SHANK2: variants seen among roughly 807,000 people sequenced by gnomAD.
SHANK2 encodes the protein SH3 and multiple ankyrin repeat domains protein 2.
In SHANK2, 43 loss-of-function variants were observed where a neutral mutation model predicts 133.7. The ratio of observed to expected loss-of-function variants is 0.32; its 90% confidence interval spans 0.25 to 0.41. The LOEUF is 0.41. Among genes scored for constraint, SHANK2 ranks in the 10% least tolerant of loss-of-function variants. The probability of loss-of-function intolerance (pLI) is 1.00; values close to 1 mark genes in which losing one functional copy is unlikely to be tolerated. For missense variants in SHANK2, 1,994 were observed against 2,235.8 expected, an observed-to-expected ratio of 0.89 and a Z score of 2.18; for synonymous variants, 1,017 against 952.8, an observed-to-expected ratio of 1.07 and a Z score of -1.24.
At chr11:70,885,242 T>C (rs868923440) in intron 11 of SHANK2, among the ~76,000 whole-genome samples, 1 of 151,012 alleles carries the variant, frequency 6.6e-6, no homozygotes, top group African/African-American at 2.4e-5. Context: ...TAGGGCACAG[T>C]GGAGACTCTC....
intron 17 of SHANK2, among the ~76,000 whole-genome samples, chr11:70,580,207 A>G (rs1554985095): frequency 6.6e-6 from 1 of 152,226 alleles, no homozygotes; most frequent in Non-Finnish European, 1.5e-5. Flanking sequence ...CACTTTGCAG[A>G]CCAGCCCCTC....
intron 12 of SHANK2, among the ~76,000 whole-genome samples, chr11:70,808,351 G>A (rs1267476695): frequency 2.6e-5 from 4 of 151,752 alleles, no homozygotes; most frequent in South Asian, 2.1e-4. Flanking sequence ...ACAGGTGCCC[G>A]CCACCATGCC....
At chr11:71,088,654 T>C (rs1465652407) in intron 8 of SHANK2, among the ~76,000 whole-genome samples, 4 of 151,998 alleles carry the variant, frequency 2.6e-5, no homozygotes, top group East Asian at 3.9e-4. Flanking sequence ...CCCAGCCATG[T>C]TTGCTGGTAG....
chr11:71,095,747 C>G (rs1555095256), intron 6 of SHANK2, among the ~76,000 whole-genome samples: 2 of 152,228 alleles, frequency 1.3e-5, no homozygotes, highest in Admixed American at 1.3e-4. Flanking sequence ...CATGGGTACC[C>G]TCCTGAGGAC....
Position 71,077,377 on chromosome 11 carries a change from G to C in SHANK2, c.913-2102C>G, listed in dbSNP as rs1295863171. Among the ~76,000 whole-genome samples, 3 of 152,340 alleles carry C rather than the reference G, an allele frequency of 2.0e-5. No homozygotes were observed. In the East Asian group the frequency reaches 5.8e-4, roughly 29 times the overall value. On this transcript the variant is annotated intron_variant, in intron 8 of 25. Coordinates refer to ENST00000601538, the MANE Select transcript of SHANK2 (RefSeq NM_012309.5). ...AAGTTCCATCAGTCAGATGGCACCA[G>C]AGCACTCTTCCCTTGCAAGGGCAAA...
At chr11:70,722,493 A>C (rs537622106) in intron 14 of SHANK2, among the ~76,000 whole-genome samples, 1 of 152,222 alleles carries the variant, frequency 6.6e-6, no homozygotes, top group Non-Finnish European at 1.5e-5. Context: ...TGTTTGAAAT[A>C]CCTACATAGG....
chr11:70,951,516 G>A (rs1950841428), intron 10 of SHANK2, among the ~76,000 whole-genome samples: 2 of 151,514 alleles, frequency 1.3e-5, no homozygotes, highest in African/African-American at 4.9e-5. Flanking sequence ...CCTGGCTGCT[G>A]TGCTGTGATG....
chr11:70,781,754 G>T, intron 14 of SHANK2, among the ~76,000 whole-genome samples: 1 of 76,114 alleles, frequency 1.3e-5, no homozygotes, highest in Admixed American at 2.2e-4. Context: ...CCCACAACAG[G>T]CCCCAGTGTG....
At chr11:70,595,090 G>GC (rs1175731477) in intron 17 of SHANK2, among the ~76,000 whole-genome samples, 1 of 152,092 alleles carries the variant, frequency 6.6e-6, no homozygotes, top group African/African-American at 2.4e-5. Context: ...AGCCTGCAGG[G>GC]CCCCCCACCT....
At chr11:71,244,038 C>A (rs1314812043) in intron 1 of SHANK2, among the ~76,000 whole-genome samples, 1 of 152,162 alleles carries the variant, frequency 6.6e-6, no homozygotes, top group Non-Finnish European at 1.5e-5. Flanking sequence ...ACTCTGATAC[C>A]AAAACCAGAC....
At chr11:70,496,857 G>A (rs145239523) in intron 21 of SHANK2, 92 of 415,946 alleles carry the variant, frequency 2.2e-4, no homozygotes, top group African/African-American at 1.7e-3. Context: ...GGAGAACCAC[G>A]AGGCGGGGGT....
In SHANK2 at chr11:70,471,469, G is replaced by A. The variant is rs934197742; in HGVS notation, c.*1400C>T. Reference sequence around the variant, plus strand: ...TATTGTTATGGGGTGGAGGGACTCCGGGGAAAGAAAGGGGCGGGGCTCAAG... The same window carrying A: ...TATTGTTATGGGGTGGAGGGACTCCAGGGAAAGAAAGGGGCGGGGCTCAAG... On this transcript the variant is annotated 3_prime_UTR_variant, in exon 26 of 26. Transcript: ENST00000601538. This position sits in a 1 kb window ranked among gnomAD's most constrained non-coding sequence, Gnocchi z 4.1. The A allele has an allele frequency of 2.5e-5, 10 of 398,470 alleles. No homozygotes were observed. The highest frequency in any genetic ancestry group is 4.0e-5 in the Non-Finnish European group (9 of 225,994). 24.7% of individuals were successfully genotyped at this position (398,470 alleles called of 1,614,324 possible).
chr11:70,787,075 GACCACC>G (rs1195970273), intron 14 of SHANK2, among the ~76,000 whole-genome samples: 2 of 122,834 alleles, frequency 1.6e-5, no homozygotes, highest in Non-Finnish European at 3.4e-5. Context: ...TCAGCACCAT[GACCACC>G]ACCACCAGCA....
At chr11:70,540,855 A>C (rs2059613130) in intron 17 of SHANK2, among the ~76,000 whole-genome samples, 1 of 151,582 alleles carries the variant, frequency 6.6e-6, no homozygotes, top group African/African-American at 2.4e-5. Context: ...AAAAAAAAAA[A>C]AAAAAACTCA....
At chr11:70,787,857 C>T (rs1246585809) in intron 14 of SHANK2, among the ~76,000 whole-genome samples, 1 of 152,162 alleles carries the variant, frequency 6.6e-6, no homozygotes, top group Non-Finnish European at 1.5e-5. Context: ...CTGGGCCGGC[C>T]ACCCCTGCTT....
chr11:70,837,478 C>T (rs764941718), intron 11 of SHANK2, among the ~76,000 whole-genome samples: 13 of 152,232 alleles, frequency 8.5e-5, no homozygotes, highest in Non-Finnish European at 1.9e-4. Context: ...CTTCACCATC[C>T]TGTCCAAGAG....
At chr11:71,190,744 G>T (rs1265492852) in intron 2 of SHANK2, among the ~76,000 whole-genome samples, 1 of 152,140 alleles carries the variant, frequency 6.6e-6, no homozygotes, top group Non-Finnish European at 1.5e-5. Flanking sequence ...TGCAGGTCAG[G>T]CAGAGCCGAG....
At chr11:70,790,517 C>G (rs1157258413) in intron 14 of SHANK2, among the ~76,000 whole-genome samples, 1 of 152,166 alleles carries the variant, frequency 6.6e-6, no homozygotes, top group Non-Finnish European at 1.5e-5. Flanking sequence ...ATTTAAAAGG[C>G]CTCAAGAGCA....
Position 70,781,558 on chromosome 11 carries a change from T to TTTTATATATATA in SHANK2, c.1777+16884_1777+16885insTATATATATAAA, listed in dbSNP as rs1555045156. Among the ~76,000 whole-genome samples, 97 of 28,928 alleles carry TTTTATATATATA rather than the reference T, an allele frequency of 3.4e-3. 2 individuals are homozygous for TTTTATATATATA. Among genetic ancestry groups the TTTTATATATATA allele is most frequent in the African/African-American group, 9.5e-3 (91 of 9,562 alleles). 19.0% of individuals were successfully genotyped at this position (28,928 alleles called of 152,430 possible). A position where few individuals can be genotyped will look rare whatever the true frequency, so the allele number is the denominator to read the frequency against. On this transcript the variant is annotated intron_variant, in intron 14 of 25. Coordinates refer to ENST00000601538, the MANE Select transcript of SHANK2 (RefSeq NM_012309.5). ...AAGCAGCTTGCAATTTACTTACTTATTATATATATATATATATATATATAT... is the reference window on the plus strand; with the variant it reads ...AAGCAGCTTGCAATTTACTTACTTATTTTATATATATATATATATATATATATATATATATAT...
Sources: allele counts gnomAD v4.1 joint callset (sites outside exome capture counted in the v4.1 genomes callset), GRCh38; gene constraint gnomAD v4.1.1; non-coding constraint Gnocchi (gnomAD v3.1); transcripts MANE v1.5; gene names NCBI Gene and HGNC (gene_info 2026-07-23, HGNC 2026-07-21).